The following DYNC2H1 variants were observed in gnomAD, a reference collection of about 807,000 sequenced individuals.
DYNC2H1 encodes the protein cytoplasmic dynein 2 heavy chain 1.
DYNC2H1 carries 410 observed loss-of-function variants against 570.0 expected under a neutral mutation model. The observed-to-expected ratio is 0.72, with a 90% confidence interval of 0.66 to 0.78. The LOEUF (loss-of-function observed/expected upper bound fraction) is 0.78, where lower values mean the gene tolerates loss of function less well. Ranked by LOEUF, DYNC2H1 falls within the 30% of genes least tolerant of loss-of-function variation. The probability of loss-of-function intolerance (pLI) is 0.00; values close to 1 mark genes in which losing one functional copy is unlikely to be tolerated. For synonymous variants in DYNC2H1, 1,688 were observed against 1,677.6 expected (o/e 1.01, Z -0.15); for missense variants, 4,865 against 5,046.4 (o/e 0.96, Z 1.09).
rs778346508 is a variant in DYNC2H1, at chr11:103,154,638, A to AT, written c.3458+35dup. 1.4e-5 allele frequency: 22 copies of AT among 1,577,970 alleles called. No individual in the cohort carries two copies. In the East Asian group the frequency reaches 4.1e-4, roughly 29 times the overall value. ...TTCAAAAACAATATTTAGACTAATA[A>AT]TTTGGTTGTTTTATTTTTGGATGTA... On this transcript the variant is annotated intron_variant, in intron 23 of 88. Coordinates refer to ENST00000375735, the MANE Select transcript of DYNC2H1 (RefSeq NM_001377.3).
At chr11:103,384,325 T>A (rs1323347108) in intron 83 of DYNC2H1, among the ~76,000 whole-genome samples, 1 of 152,114 alleles carries the variant, frequency 6.6e-6, no homozygotes, top group Non-Finnish European at 1.5e-5. Flanking sequence ...ATATGTCAGT[T>A]TTCTTTTGGT....
At chr11:103,431,934 G>T (rs1192473308) in intron 84 of DYNC2H1, among the ~76,000 whole-genome samples, 2 of 152,108 alleles carry the variant, frequency 1.3e-5, no homozygotes, top group African/African-American at 4.8e-5. Context: ...ACGAATGCTG[G>T]CTGCAGGTAT....
chr11:103,171,050 T>C lies in DYNC2H1; in HGVS notation c.5316T>C (p.Cys1772=), dbSNP rs780348655. The change falls in exon 34 of 89, where the codon TGT becomes TGC. Residue 1772 remains cysteine, a synonymous_variant. Coordinates refer to ENST00000375735, the MANE Select transcript of DYNC2H1 (RefSeq NM_001377.3). ...QDALKNHRTV[C]ELLGKEVEVN... is the part of the protein sequence containing the mutation. ...CTTTGAAGAATCATAGAACTGTATG[T>C]GAACTGCTTGGCAAGGAGGTATAGA... 1 of 1,600,242 alleles carries C rather than the reference T, an allele frequency of 6.2e-7. No homozygotes were observed.
intron 83 of DYNC2H1, among the ~76,000 whole-genome samples, chr11:103,388,869 GA>G (rs1942009388): frequency 6.6e-6 from 1 of 152,174 alleles, no homozygotes; most frequent in African/African-American, 2.4e-5. Context: ...CATCATGGTG[GA>G]TAAGATTTTT....
At chr11:103,457,709 A>C (rs1944845323) in intron 87 of DYNC2H1, among the ~76,000 whole-genome samples, 2 of 152,174 alleles carry the variant, frequency 1.3e-5, no homozygotes, top group African/African-American at 4.8e-5. Context: ...ACCTGGGTTC[A>C]AGTGATCCTT....
chr11:103,204,438 TA>T lies in DYNC2H1; in HGVS notation c.8312-381del, dbSNP rs750975608. 2.0e-5 allele frequency among the ~76,000 whole-genome samples: 3 copies of T among 152,170 alleles called. No homozygotes were observed. The highest frequency in any genetic ancestry group is 4.4e-5 in the Non-Finnish European group (3 of 68,026). ...AGTGCTGCTTTAGTACCTCCTGTCT[TA>T]AAGAACTATTGAACCATTTAGATTG... is the stretch of plus-strand genomic sequence containing the variant. On this transcript the variant is annotated intron_variant, in intron 51 of 88. Coordinates refer to ENST00000375735, the MANE Select transcript of DYNC2H1 (RefSeq NM_001377.3). The surrounding 1 kb of genome is among the most constrained non-coding windows in gnomAD (Gnocchi z 4.1).
At chr11:103,315,309 T>A (rs1480815411) in intron 79 of DYNC2H1, among the ~76,000 whole-genome samples, 1 of 152,078 alleles carries the variant, frequency 6.6e-6, no homozygotes, top group Non-Finnish European at 1.5e-5. Context: ...ATGTTTTAAT[T>A]GACGAAAACA....
chr11:103,390,987 T>G (rs1426749055), intron 83 of DYNC2H1, among the ~76,000 whole-genome samples: 1 of 152,190 alleles, frequency 6.6e-6, no homozygotes, highest in Non-Finnish European at 1.5e-5. Context: ...GGAGTTGCTC[T>G]TCTCGAGGAG....
chr11:103,193,693 G>A (rs1476987582), intron 47 of DYNC2H1, among the ~76,000 whole-genome samples: 1 of 151,642 alleles, frequency 6.6e-6, no homozygotes, highest in Non-Finnish European at 1.5e-5. Context: ...ACAGGCATGT[G>A]CCACCACGCC....
At chr11:103,141,044 C>T (rs1859890182) in intron 17 of DYNC2H1, among the ~76,000 whole-genome samples, 2 of 152,156 alleles carry the variant, frequency 1.3e-5, no homozygotes, top group African/African-American at 2.4e-5. Flanking sequence ...CGAGTCTTGG[C>T]TTTCAGCTCC....
At chr11:103,191,961 C>G (rs1405330809) in intron 46 of DYNC2H1, 136 bp from the exon 47 acceptor site, 2 of 629,032 alleles carry the variant, frequency 3.2e-6, no homozygotes, top group Non-Finnish European at 4.8e-6. Context: ...TGAATTTTAA[C>G]TTTTTTTCCT....
Position 103,163,614 on chromosome 11 carries a change from G to C in DYNC2H1, c.4611+467G>C, listed in dbSNP as rs1591342998. 6.6e-6 allele frequency among the ~76,000 whole-genome samples: 1 copy of C among 152,092 alleles called. No individual in the cohort carries two copies. Among genetic ancestry groups the C allele is most frequent in the Admixed American group, 6.5e-5 (1 of 15,268 alleles). On this transcript the variant is annotated intron_variant, in intron 30 of 88. Coordinates refer to ENST00000375735, the MANE Select transcript of DYNC2H1 (RefSeq NM_001377.3). The surrounding 1 kb of genome is among the most constrained non-coding windows in gnomAD (Gnocchi z 4.6). ...AATTACAGAGATGGCTGCAGCTCAG[G>C]GTTAATAGGAGTTCATCCCTGAACA...
rs746879829 is a variant in DYNC2H1, at chr11:103,117,836, T to G, written c.972T>G (p.Leu324=). The part of the protein sequence containing the change: ...WKNEKYFPET[L]DKLGKRLEEV... ...ATGAAAAATATTTTCCAGAAACACT[T>G]GACAAACTTGGCAAACGCCTTGAAG... The change falls in exon 6 of 89, where the codon CTT becomes CTG. Residue 324 remains leucine, a synonymous_variant. Transcript: ENST00000375735. 1 of 1,612,510 alleles carries G rather than the reference T, an allele frequency of 6.2e-7. No individual in the cohort carries two copies. Among genetic ancestry groups the G allele is most frequent in the Non-Finnish European group, 8.5e-7 (1 of 1,179,040 alleles).
intron 4 of DYNC2H1, among the ~76,000 whole-genome samples, chr11:103,115,627 G>T (rs1858348043): frequency 6.6e-6 from 1 of 151,972 alleles, no homozygotes; most frequent in Non-Finnish European, 1.5e-5. Flanking sequence ...GTGAAACCTC[G>T]TCTCTACTAA....
At chr11:103,110,882 A>G (rs1858081260) in intron 1 of DYNC2H1, among the ~76,000 whole-genome samples, 1 of 151,516 alleles carries the variant, frequency 6.6e-6, no homozygotes. Context: ...CTGGAGTGCA[A>G]TGGCACAATC....
intron 78 of DYNC2H1, among the ~76,000 whole-genome samples, chr11:103,309,355 T>A (rs1206801444): frequency 7.1e-6 from 1 of 140,784 alleles, no homozygotes; most frequent in Non-Finnish European, 1.5e-5. Context: ...TTATTTCTTT[T>A]CTTTTTTTTT....
Position 103,378,643 on chromosome 11 carries a change from A to AC in DYNC2H1, c.12156+20286dup, listed in dbSNP as rs1256885203. Among the ~76,000 whole-genome samples the AC allele has an allele frequency of 3.3e-5, 5 of 152,098 alleles. No homozygotes were observed. In the South Asian group the frequency reaches 8.3e-4, roughly 25 times the overall value. ...CAGTGGTGTCTGGCTCAAGAGAGTA[A>AC]CCTCTAATTCCAAGGCAATTCCAAA... On this transcript the variant is annotated intron_variant, in intron 83 of 88. Coordinates refer to ENST00000375735, the MANE Select transcript of DYNC2H1 (RefSeq NM_001377.3).
chr11:103,319,392 G>A lies in DYNC2H1; in HGVS notation c.11726-1637G>A, dbSNP rs982689678. Among the ~76,000 whole-genome samples, 9 of 152,074 alleles carry A rather than the reference G, an allele frequency of 5.9e-5. No individual in the cohort carries two copies. Among genetic ancestry groups the A allele is most frequent in the African/African-American group, 2.2e-4 (9 of 41,446 alleles). On this transcript the variant is annotated intron_variant, in intron 80 of 88. Transcript: ENST00000375735. The surrounding 1 kb of genome is among the most constrained non-coding windows in gnomAD (Gnocchi z 4.3). Reference sequence around the variant, plus strand: ...GGAACAATTGGTATTGAGAGTAATAGCCATGCGACCTAGAGCAAGTTTCCT... The same window carrying A: ...GGAACAATTGGTATTGAGAGTAATAACCATGCGACCTAGAGCAAGTTTCCT...
At chr11:103,210,049 A>C in intron 53 of DYNC2H1, 89 bp downstream of exon 53, 1 of 1,304,986 alleles carries the variant, frequency 7.7e-7, no homozygotes, top group Non-Finnish European at 9.9e-7. Flanking sequence ...AAGATTCATG[A>C]TTATAAATTT....
Sources: allele counts gnomAD v4.1 joint callset (sites outside exome capture counted in the v4.1 genomes callset), GRCh38; gene constraint gnomAD v4.1.1; non-coding constraint Gnocchi (gnomAD v3.1); transcripts MANE v1.5; gene names NCBI Gene and HGNC (gene_info 2026-07-23, HGNC 2026-07-21).